Variants in TLK1 observed in about 807,000 individuals in gnomAD.
TLK1 encodes the protein serine/threonine-protein kinase tousled-like 1.
In TLK1, 24 loss-of-function variants were observed where a neutral mutation model predicts 105.3. That is an observed-to-expected ratio of 0.23 (90% CI 0.17 to 0.32). The LOEUF is 0.32. Among genes scored for constraint, TLK1 ranks in the 10% least tolerant of loss-of-function variants. TLK1 has a pLI of 1.00. For synonymous variants in TLK1, 321 were observed against 310.4 expected (o/e 1.03, Z -0.36); for missense variants, 558 against 910.5 (o/e 0.61, Z 4.98).
chr2:171,135,533 G>A (rs1219402608), intron 1 of TLK1, among the ~76,000 whole-genome samples: 1 of 152,066 alleles, frequency 6.6e-6, no homozygotes, highest in Non-Finnish European at 1.5e-5. Context: ...AGGCACGGTG[G>A]TTCATGCCTA....
At chr2:171,074,948 G>T (rs1688434361) in intron 3 of TLK1, among the ~76,000 whole-genome samples, 1 of 151,820 alleles carries the variant, frequency 6.6e-6, no homozygotes, top group Non-Finnish European at 1.5e-5. Context: ...AACTTTCAGT[G>T]ATACTTATCC....
In TLK1 at chr2:170,993,769, TTGGAGG is replaced by T; in HGVS notation, c.*5_*10del. On this transcript the variant is annotated 3_prime_UTR_variant, in exon 21 of 21. Coordinates refer to ENST00000431350, the MANE Select transcript of TLK1 (RefSeq NM_012290.5). Reference sequence around the variant, plus strand: ...CAAATTCAAAGATATCATGCCAATCTTGGAGGAAAGTCAGTAAGTAATTATGCTTGA... The same window carrying T: ...CAAATTCAAAGATATCATGCCAATCTAAAGTCAGTAAGTAATTATGCTTGA... 6.5e-7 allele frequency: 1 copy of T among 1,549,388 alleles called. No homozygotes were observed. The highest frequency in any genetic ancestry group is 8.7e-7 in the Non-Finnish European group (1 of 1,145,494).
At chr2:170,996,781 T>C in intron 19 of TLK1, 21 bp from the exon 20 acceptor site, 1 of 1,561,060 alleles carries the variant, frequency 6.4e-7, no homozygotes, top group Non-Finnish European at 8.7e-7. Flanking sequence ...AAATTAAATG[T>C]TGAGATACTT....
chr2:171,076,839 G>A (rs1348933196), intron 3 of TLK1, among the ~76,000 whole-genome samples: 8 of 151,800 alleles, frequency 5.3e-5, no homozygotes, highest in East Asian at 1.9e-4. Context: ...GCGTGAACCC[G>A]GGAGGCAGAG....
intron 8 of TLK1, among the ~76,000 whole-genome samples, chr2:171,051,221 A>G (rs1687221521): frequency 1.3e-5 from 2 of 152,208 alleles, no homozygotes; most frequent in African/African-American, 4.8e-5. Context: ...AAAAAGAAGA[A>G]GAGGATATCT....
At chr2:171,198,037 T>C (rs1302866040) in intron 1 of TLK1, among the ~76,000 whole-genome samples, 1 of 152,208 alleles carries the variant, frequency 6.6e-6, no homozygotes, top group African/African-American at 2.4e-5. Context: ...CCCTGGTTTC[T>C]GGCCTAGAGT....
chr2:171,012,105 T>C (rs985826997), intron 13 of TLK1, among the ~76,000 whole-genome samples: 1 of 151,780 alleles, frequency 6.6e-6, no homozygotes, highest in East Asian at 1.9e-4. Flanking sequence ...CGACTGAGCA[T>C]CCCTAATCTG....
Position 171,194,342 on chromosome 2 carries a change from T to C in TLK1, c.-6+36803A>G, listed in dbSNP as rs1291210531. 2.0e-5 allele frequency among the ~76,000 whole-genome samples: 3 copies of C among 151,940 alleles called. No homozygotes were observed. The East Asian group carries it at 5.8e-4, about 29-fold the overall frequency. On this transcript the variant is annotated intron_variant, in intron 1 of 20. Coordinates refer to the TLK1 transcript ENST00000521943. ...TCCACACCTTCAGAAATAAATTGAC[T>C]GAAGAAGAGAGGAATGTAAAGAAAT...
At chr2:171,142,365 C>G (rs760762839) in intron 1 of TLK1, among the ~76,000 whole-genome samples, 17 of 152,114 alleles carry the variant, frequency 1.1e-4, no homozygotes, top group Non-Finnish European at 2.4e-4. Flanking sequence ...CATGGTCAAA[C>G]TAGTTTATTT....
chr2:171,221,826 A>G (rs1391967084), intron 1 of TLK1, among the ~76,000 whole-genome samples: 3 of 152,204 alleles, frequency 2.0e-5, no homozygotes, highest in Non-Finnish European at 4.4e-5. Context: ...TTATAAGAGC[A>G]CTAGTCCTAT....
At chr2:171,162,008 G>A (rs978021553), upstream of TLK1, among the ~76,000 whole-genome samples, 2 of 151,846 alleles carry the variant, frequency 1.3e-5, no homozygotes, top group South Asian at 4.1e-4. Context: ...CAAAAATGTC[G>A]TTTCTATTTT....
Position 171,219,719 on chromosome 2 carries a change from G to C in TLK1, c.-6+11426C>G, listed in dbSNP as rs185022038. On this transcript the variant is annotated intron_variant, in intron 1 of 20. Transcript: ENST00000521943. ...GGGTTCAAGAAATTCTCATGCCTCA[G>C]CCTCCTGAGTAGCTGGAATTAAAGG... 1.3e-3 allele frequency among the ~76,000 whole-genome samples: 199 copies of C among 151,962 alleles called. 1 individual carries two copies. Among genetic ancestry groups the C allele is most frequent in the Middle Eastern group, 0.01 (3 of 294 alleles).
intron 1 of TLK1, among the ~76,000 whole-genome samples, chr2:171,133,319 T>A (rs1691177721): frequency 1.3e-5 from 2 of 152,124 alleles, no homozygotes; most frequent in Non-Finnish European, 2.9e-5. Context: ...CAGACTGAAT[T>A]CAGGCGCAGG....
chr2:171,221,785 A>G (rs1326849185), intron 1 of TLK1, among the ~76,000 whole-genome samples: 1 of 151,964 alleles, frequency 6.6e-6, no homozygotes, highest in Non-Finnish European at 1.5e-5. Flanking sequence ...GTACACATGG[A>G]AAAAAACATT....
intron 1 of TLK1, among the ~76,000 whole-genome samples, chr2:171,125,019 T>G (rs920342488): frequency 1.3e-5 from 2 of 152,242 alleles, no homozygotes; most frequent in African/African-American, 2.4e-5. Flanking sequence ...AAATCAACTG[T>G]GCTTGCCAAA....
chr2:171,114,283 G>A (rs899236266), intron 2 of TLK1, among the ~76,000 whole-genome samples: 1 of 152,130 alleles, frequency 6.6e-6, no homozygotes, highest in Non-Finnish European at 1.5e-5. Flanking sequence ...TCCAGAGCCT[G>A]TGACTATGTT....
chr2:171,137,760 A>G (rs188889569), intron 1 of TLK1, among the ~76,000 whole-genome samples: 55 of 152,084 alleles, frequency 3.6e-4, no homozygotes, highest in African/African-American at 1.3e-3. Context: ...GAGGCAGGAG[A>G]AATGCTTGAA....
intron 1 of TLK1, among the ~76,000 whole-genome samples, chr2:171,142,856 G>C (rs1691639676): frequency 6.6e-6 from 1 of 152,186 alleles, no homozygotes; most frequent in Non-Finnish European, 1.5e-5. Context: ...CATAAAGCAA[G>C]TCTCAAATTT....
intron 3 of TLK1, among the ~76,000 whole-genome samples, chr2:171,078,752 C>G (rs1261876323): frequency 6.6e-6 from 1 of 152,182 alleles, no homozygotes; most frequent in East Asian, 1.9e-4. Flanking sequence ...TAGAAGTCCT[C>G]TTATCTCAAG....
Sources: allele counts gnomAD v4.1 joint callset (sites outside exome capture counted in the v4.1 genomes callset), GRCh38; gene constraint gnomAD v4.1.1; transcripts MANE v1.5; gene names NCBI Gene and HGNC (gene_info 2026-07-23, HGNC 2026-07-21).